Variants in MALRD1 observed in about 807,000 individuals in gnomAD.
The protein encoded by MALRD1 is MAM and LDL-receptor class A domain-containing protein 1.
MALRD1 carries 247 observed loss-of-function variants against 242.1 expected under a neutral mutation model. The ratio of observed to expected loss-of-function variants is 1.02; its 90% CI spans 0.92 to 1.13. The LOEUF (loss-of-function observed/expected upper bound fraction) is 1.13, where lower values mean the gene tolerates loss of function less well. Among genes scored for constraint, MALRD1 ranks in the 50% most tolerant of loss-of-function variants. The pLI is 0.00. For synonymous variants in MALRD1, 995 were observed against 866.6 expected, an observed-to-expected ratio of 1.15 and a Z score of -2.60; for missense variants, 2,989 against 2,533.1, an observed-to-expected ratio of 1.18 and a Z score of -3.86.
chr10:19,153,900 T>C (rs960829173), intron 11 of MALRD1, among the ~76,000 whole-genome samples: 12 of 152,328 alleles, frequency 7.9e-5, no homozygotes, highest in African/African-American at 2.9e-4. Context: ...TTCTTTTGAA[T>C]GACTGGAGGA....
chr10:19,668,617 A>G (rs1365258818), intron 36 of MALRD1, among the ~76,000 whole-genome samples: 4 of 152,186 alleles, frequency 2.6e-5, no homozygotes, highest in African/African-American at 9.7e-5. Context: ...AGAAACATTT[A>G]ATTCTATTTA....
intron 36 of MALRD1, among the ~76,000 whole-genome samples, chr10:19,684,065 C>T (rs550241552): frequency 4.4e-4 from 67 of 152,272 alleles, no homozygotes; most frequent in African/African-American, 1.5e-3. Flanking sequence ...TGTTAGTTTG[C>T]TGAGGATGAT....
chr10:19,260,774 A>G (rs1377396555), intron 19 of MALRD1, among the ~76,000 whole-genome samples: 1 of 152,144 alleles, frequency 6.6e-6, no homozygotes, highest in Non-Finnish European at 1.5e-5. Context: ...GGAAATTGAA[A>G]AGGAGATAAC....
intron 34 of MALRD1, among the ~76,000 whole-genome samples, chr10:19,607,101 T>C (rs113141976): frequency 5.3e-5 from 8 of 152,294 alleles, no homozygotes; most frequent in Admixed American, 1.3e-4. Flanking sequence ...CAAAGTCTTA[T>C]GAGTATTAGC....
chr10:19,675,133 T>G (rs1842086093), intron 36 of MALRD1, among the ~76,000 whole-genome samples: 1 of 152,172 alleles, frequency 6.6e-6, no homozygotes, highest in Non-Finnish European at 1.5e-5. Flanking sequence ...GAAATGTGCT[T>G]CCTTCCTACA....
intron 29 of MALRD1, among the ~76,000 whole-genome samples, chr10:19,474,569 G>A (rs951665700): frequency 6.6e-6 from 1 of 151,838 alleles, no homozygotes; most frequent in African/African-American, 2.4e-5. Context: ...TTGTTCCCTG[G>A]TGTCATTACA....
At chr10:19,319,806 C>T (rs1201577458) in intron 21 of MALRD1, among the ~76,000 whole-genome samples, 1 of 152,000 alleles carries the variant, frequency 6.6e-6, no homozygotes, top group Non-Finnish European at 1.5e-5. Flanking sequence ...AGATGATCAC[C>T]TTTGTATTTA....
At chr10:19,496,958 A>T (rs1837746635) in intron 30 of MALRD1, among the ~76,000 whole-genome samples, 1 of 152,152 alleles carries the variant, frequency 6.6e-6, no homozygotes, top group Admixed American at 6.6e-5. Flanking sequence ...AAAGTGGCAT[A>T]TTTTGAGATT....
chr10:19,693,788 A>G (rs1833223054), intron 38 of MALRD1, among the ~76,000 whole-genome samples: 1 of 152,222 alleles, frequency 6.6e-6, no homozygotes, highest in South Asian at 2.1e-4. Flanking sequence ...AGGCAAAAGA[A>G]CAAAGCTGGA....
intron 28 of MALRD1, among the ~76,000 whole-genome samples, chr10:19,445,993 G>A (rs377475484): frequency 5.3e-5 from 8 of 152,134 alleles, no homozygotes; most frequent in African/African-American, 9.7e-5. Flanking sequence ...AAGCCTCAGC[G>A]GTGGTGGATG....
At chr10:19,193,828 C>G (rs1271240087) in intron 14 of MALRD1, among the ~76,000 whole-genome samples, 1 of 64,138 alleles carries the variant, frequency 1.6e-5, no homozygotes, top group Non-Finnish European at 3.3e-5. Flanking sequence ...TTAGCTTAGT[C>G]TGGGGGAAAA....
At chr10:19,457,788 A>G (rs780247121) in intron 29 of MALRD1, among the ~76,000 whole-genome samples, 22 of 150,866 alleles carry the variant, frequency 1.5e-4, no homozygotes, top group South Asian at 6.4e-4. Context: ...GTGATATCAG[A>G]CATATCATTA....
chr10:19,261,807 T>C (rs1237270241), intron 19 of MALRD1, among the ~76,000 whole-genome samples: 10 of 151,810 alleles, frequency 6.6e-5, no homozygotes, highest in Admixed American at 4.0e-4. Context: ...GTAATTTTAA[T>C]GAAAGCAGTG....
At chr10:19,087,595 A>G (rs183430151) in intron 2 of MALRD1, among the ~76,000 whole-genome samples, 18 of 150,006 alleles carry the variant, frequency 1.2e-4, no homozygotes, top group Admixed American at 1.1e-3. Context: ...GTGTATATCT[A>G]TGGGGTACAT....
intron 27 of MALRD1, 114 bp from the exon 28 acceptor site, chr10:19,389,338 T>C (rs1319515690): frequency 3.5e-6 from 4 of 1,136,954 alleles, no homozygotes; most frequent in Non-Finnish European, 5.2e-6. Flanking sequence ...TGAAAATACT[T>C]TTGGCAGCTC....
At chr10:19,630,227 T>C (rs1839843728) in intron 36 of MALRD1, among the ~76,000 whole-genome samples, 1 of 152,174 alleles carries the variant, frequency 6.6e-6, no homozygotes, top group African/African-American at 2.4e-5. Flanking sequence ...AAATTATGAC[T>C]ATTCATGATC....
intron 36 of MALRD1, among the ~76,000 whole-genome samples, chr10:19,676,784 AGCCTG>A (rs1842155523): frequency 6.6e-6 from 1 of 152,126 alleles, no homozygotes; most frequent in South Asian, 2.1e-4. Context: ...CTGCGTATTA[AGCCTG>A]GCATGCGTTA....
In MALRD1 at chr10:19,387,716, G is replaced by A; in HGVS notation, c.4630G>A (p.Val1544Ile). ...QADNFDWVLG[V>I]GSHQSLRPPK... The stretch of plus-strand genomic sequence containing the variant: ...TGACAACTTTGATTGGGTTTTAGGG[G>A]TTGGCTCTCATCAAAGCTTAAGACC... Residue 1544 changes from valine (V) to isoleucine (I), a missense_variant, in exon 27 of 40, where the codon GTT becomes ATT. Val to Ile is a conservative substitution (Grantham distance 29, BLOSUM62 3). Transcript: ENST00000454679. The A allele has an allele frequency of 3.2e-6, 5 of 1,550,468 alleles. No individual in the cohort carries two copies. The South Asian group carries it at 3.6e-5, about 11-fold the overall frequency.
intron 19 of MALRD1, among the ~76,000 whole-genome samples, chr10:19,267,000 T>C (rs1160037318): frequency 6.6e-6 from 1 of 152,082 alleles, no homozygotes; most frequent in Non-Finnish European, 1.5e-5. Flanking sequence ...ATTCTTTCTG[T>C]CCTTCATTAG....
Sources: allele counts gnomAD v4.1 joint callset (sites outside exome capture counted in the v4.1 genomes callset), GRCh38; gene constraint gnomAD v4.1.1; transcripts MANE v1.5; gene names NCBI Gene and HGNC (gene_info 2026-07-23, HGNC 2026-07-21).